Variants in TCP11 observed in about 807,000 individuals in gnomAD.
TCP11 encodes the protein t-complex 11.
A neutral mutation model predicts 45.0 loss-of-function variants in TCP11; 34 were observed. The ratio of observed to expected loss-of-function variants is 0.76; its 90% confidence interval spans 0.57 to 1.01. The LOEUF is 1.01. TCP11 is among the 50% of genes least tolerant of loss of function. TCP11 has a pLI of 0.00. For missense variants in TCP11, 523 were observed against 598.1 expected, an observed-to-expected ratio of 0.87 and a Z score of 1.31; for synonymous variants, 227 against 227.0, an observed-to-expected ratio of 1.00 and a Z score of 0.00.
intron 4 of TCP11, among the ~76,000 whole-genome samples, chr6:35,123,443 C>A (rs1460087768): frequency 7.8e-6 from 1 of 127,462 alleles, no homozygotes; most frequent in Non-Finnish European, 1.9e-5. Flanking sequence ...ACCTGAACCA[C>A]CCACCATTAA....
chr6:35,125,380 TGAA>T (rs1300022818), intron 4 of TCP11, among the ~76,000 whole-genome samples: 2 of 152,104 alleles, frequency 1.3e-5, no homozygotes, highest in African/African-American at 2.4e-5. Flanking sequence ...AACATTTCTT[TGAA>T]GAAGATGTAC....
chr6:35,126,720 A>G (rs1393376629), intron 4 of TCP11, among the ~76,000 whole-genome samples: 1 of 145,398 alleles, frequency 6.9e-6, no homozygotes. Context: ...GCACAGTGAC[A>G]CAATCATGGC....
At chr6:35,121,860 A>G (rs575850265) in intron 5 of TCP11, among the ~76,000 whole-genome samples, 1 of 152,136 alleles carries the variant, frequency 6.6e-6, no homozygotes, top group African/African-American at 2.4e-5. Flanking sequence ...TTAACTCCTT[A>G]AAAGAAAGAA....
In TCP11 at chr6:35,120,749, CT is replaced by C; in HGVS notation, c.716-104del. On this transcript the variant is annotated intron_variant, in intron 6 of 9. Transcript: ENST00000311875. This position sits in a 1 kb window ranked among gnomAD's most constrained non-coding sequence, Gnocchi z 4.9. ...TATACTCCTGGTCAATAAATAAATG[CT>C]TTGAGGGTCTTTCTGTCTTAGATAA... 1.4e-6 allele frequency: 2 copies of C among 1,402,286 alleles called. No individual in the cohort carries two copies. Among genetic ancestry groups the C allele is most frequent in the Non-Finnish European group, 1.9e-6 (2 of 1,027,604 alleles). 86.9% of individuals were successfully genotyped at this position (1,402,286 alleles called of 1,614,324 possible). A position where few individuals can be genotyped will look rare whatever the true frequency, so the allele number is the denominator to read the frequency against.
At chr6:35,118,583 T>A in intron 9 of TCP11, 82 bp from the exon 10 acceptor site, 1 of 1,302,220 alleles carries the variant, frequency 7.7e-7, no homozygotes, top group South Asian at 1.4e-5. Flanking sequence ...TACTCACCCA[T>A]GTTCTAAGTT....
rs1241395500 is a variant in TCP11, at chr6:35,118,318, G to A, written c.1463C>T (p.Thr488Ile). The change falls in exon 10 of 10, where the codon ACC (threonine) becomes ATC (isoleucine). Residue 488 changes from threonine to isoleucine, a missense_variant. Around this residue, in one of 2 missense-constraint regions of TCP11, gnomAD observed 298 missense variants for 387.9 expected, o/e 0.77. Transcript: ENST00000311875. ...FGPYYTEILK[T>I]LISPAQALET... ...CAGTGCCTGGGCTGGGGAAATGAGG[G>A]TTTTTAGGATCTCAGTGTAGTAGGG... The A allele has an allele frequency of 9.9e-6, 16 of 1,614,030 alleles. No homozygotes were observed. The highest frequency in any genetic ancestry group is 2.2e-5 in the East Asian group (1 of 44,904).
intron 4 of TCP11, among the ~76,000 whole-genome samples, chr6:35,124,995 A>C (rs1779660886): frequency 6.6e-6 from 1 of 151,824 alleles, no homozygotes; most frequent in South Asian, 2.1e-4. Context: ...CAGCCTGAGC[A>C]AAATGGTGAA....
At position 35,120,356 on chromosome 6, in the gene TCP11, G is replaced by GA. The variant is rs1217087436; in HGVS notation, c.934-17dup. The GA allele has an allele frequency of 6.2e-7, 1 of 1,608,836 alleles. No individual in the cohort carries two copies. The highest frequency in any genetic ancestry group is 1.3e-5 in the African/African-American group (1 of 74,778). On this transcript the variant is annotated splice_polypyrimidine_tract_variant and intron_variant, in intron 7 of 9. Coordinates refer to ENST00000311875, the MANE Select transcript of TCP11 (RefSeq NM_001370687.1). The surrounding 1 kb of genome is among the most constrained non-coding windows in gnomAD (Gnocchi z 4.9). Reference sequence around the variant, plus strand: ...TCAGCAGGGTCTGGGAACCAGGGAAGAACAGGCTGTCAGGGGAAGTCCCGA... The same window carrying GA: ...TCAGCAGGGTCTGGGAACCAGGGAAGAAACAGGCTGTCAGGGGAAGTCCCGA...
Position 35,120,469 on chromosome 6 carries a change from T to A in TCP11, c.893A>T (p.Asn298Ile). Residue 298 changes from asparagine to isoleucine, a missense_variant, in exon 7 of 10, where the codon AAC (asparagine) becomes ATC (isoleucine). Coordinates refer to ENST00000311875, the MANE Select transcript of TCP11 (RefSeq NM_001370687.1). The surrounding 1 kb of genome is among the most constrained non-coding windows in gnomAD (Gnocchi z 4.9). Reference protein sequence around the residue: ...PTMVLCQGFLNLLLWDLENEE... With the variant: ...PTMVLCQGFLILLLWDLENEE... Reference sequence around the variant, plus strand: ...ATTTTCAAGGTCCCAGAGAAGGAGGTTCAAGAAGCCCTGACACAGCACCAT... The same window carrying A: ...ATTTTCAAGGTCCCAGAGAAGGAGGATCAAGAAGCCCTGACACAGCACCAT... 1 of 1,604,182 alleles carries A rather than the reference T, an allele frequency of 6.2e-7. No homozygotes were observed. The highest frequency in any genetic ancestry group is 8.5e-7 in the Non-Finnish European group (1 of 1,175,280).
intron 4 of TCP11, among the ~76,000 whole-genome samples, chr6:35,125,022 A>T (rs1413767443): frequency 6.6e-6 from 1 of 151,684 alleles, no homozygotes; most frequent in Non-Finnish European, 1.5e-5. Context: ...TCTCTACTAA[A>T]AATACAAAAA....
intron 2 of TCP11, chr6:35,140,340 G>T: frequency 1.4e-6 from 1 of 730,692 alleles, no homozygotes; most frequent in Non-Finnish European, 2.2e-6. Flanking sequence ...ACAGAACCGA[G>T]CTAGAGACTG....
chr6:35,133,270 A>C (rs1370438970), intron 3 of TCP11, among the ~76,000 whole-genome samples: 2 of 152,026 alleles, frequency 1.3e-5, no homozygotes, highest in Non-Finnish European at 2.9e-5. Context: ...TTGACCTCCC[A>C]GGCTCAAGTA....
rs1466544663 is a variant in TCP11, at chr6:35,141,226, T to C, written c.-36A>G. On this transcript the variant is annotated 5_prime_UTR_variant, in exon 1 of 10. Coordinates refer to ENST00000311875, the MANE Select transcript of TCP11 (RefSeq NM_001370687.1). ...TCACCTCCTCCTCCCCCGCCGCGGG[T>C]CATCCACTGGCGTCCGCTCGGTGGG... 2.1e-6 allele frequency: 3 copies of C among 1,405,142 alleles called. No homozygotes were observed. The highest frequency in any genetic ancestry group is 1.5e-5 in the African/African-American group (1 of 66,862). The allele number at this position is 1,405,142 out of a possible 1,614,324, so 87.0% of individuals were successfully genotyped here.
chr6:35,119,115 G>C, intron 9 of TCP11, 113 bp downstream of exon 9: 1 of 1,368,234 alleles, frequency 7.3e-7, no homozygotes, highest in Non-Finnish European at 1.0e-6. Context: ...AAAAAATCAA[G>C]GCTAAACAAT....
chr6:35,121,138 T>A (rs73405725), intron 5 of TCP11, 93 bp from the exon 6 acceptor site: 2 of 1,398,952 alleles, frequency 1.4e-6, no homozygotes, highest in South Asian at 1.7e-5. Flanking sequence ...TAGGAGGGGC[T>A]TAAGACTAAC....
chr6:35,119,847 C>T (rs556868604), intron 8 of TCP11, among the ~76,000 whole-genome samples: 22 of 152,106 alleles, frequency 1.4e-4, no homozygotes, highest in Non-Finnish European at 2.9e-4. Context: ...CTGCACACAG[C>T]GGGATGTTCA....
intron 2 of TCP11, chr6:35,137,764 CATG>C: frequency 2.2e-6 from 1 of 454,868 alleles, no homozygotes; most frequent in Non-Finnish European, 4.4e-6. Flanking sequence ...GATGCAGCAT[CATG>C]ATTTTTCACA....
At chr6:35,140,970 G>A (rs565622028) in intron 1 of TCP11, 86 bp from the exon 2 acceptor site, 6 of 1,430,410 alleles carry the variant, frequency 4.2e-6, no homozygotes, top group Admixed American at 5.7e-5. Flanking sequence ...GGCGGGAAGG[G>A]GGGTAGCGGC....
intron 3 of TCP11, among the ~76,000 whole-genome samples, chr6:35,135,765 A>G (rs1781009220): frequency 6.6e-6 from 1 of 152,180 alleles, no homozygotes; most frequent in African/African-American, 2.4e-5. Flanking sequence ...CGGAAAAATG[A>G]AATGTTATTT....
Sources: gnomAD v4.1 joint callset for allele counts (sites outside exome capture counted in the v4.1 genomes callset) on GRCh38, gnomAD v4.1.1 for gene constraint, gnomAD v4.1.1 regional missense constraint, Gnocchi (gnomAD v3.1) non-coding constraint, MANE v1.5 for transcripts, NCBI Gene and HGNC (gene_info 2026-07-23, HGNC 2026-07-21) for gene names.